LAMA1: variants seen among roughly 807,000 people sequenced by gnomAD.
The protein encoded by LAMA1 is laminin subunit alpha 1.
LAMA1 carries 219 observed loss-of-function variants against 348.7 expected under a neutral mutation model. The observed-to-expected ratio is 0.63, with a 90% confidence interval of 0.56 to 0.70. The LOEUF is 0.70. LAMA1 is among the 30% of genes least tolerant of loss of function. The pLI is 0.00. For missense variants in LAMA1, 3,744 were observed against 3,888.0 expected (o/e 0.96, Z 0.99); for synonymous variants, 1,487 against 1,491.0 (o/e 1.00, Z 0.06).
rs79621141 is a variant in LAMA1, at chr18:6,964,014, CTT to C, written c.7337+646_7337+647del. The C allele has an allele frequency of 7.4e-3, 1,070 of 144,884 alleles. 15 individuals are homozygous for C. Among genetic ancestry groups the C allele is most frequent in the African/African-American group, 0.026 (1,031 of 39,598 alleles). The allele number at this position is 144,884 out of a possible 1,614,324, so 9.0% of individuals were successfully genotyped here. On this transcript the variant is annotated intron_variant, in intron 51 of 62. Transcript: ENST00000389658. ...GAAAAGTCTGCAGAAAGCATGATTTCTTTTTTTTTTTTTCCTTTTGCCTTAAA... is the reference window on the plus strand; with the variant it reads ...GAAAAGTCTGCAGAAAGCATGATTTCTTTTTTTTTTTCCTTTTGCCTTAAA...
In LAMA1 at chr18:6,983,428, C is replaced by T. The variant is rs115066818; in HGVS notation, c.5661-194G>A. ...AAAGTAATCTTTGAGAAGCCGTAGCCACTTTGTCATAACACTCAGAACTGC... is the reference window on the plus strand; with the variant it reads ...AAAGTAATCTTTGAGAAGCCGTAGCTACTTTGTCATAACACTCAGAACTGC... On this transcript the variant is annotated intron_variant, in intron 39 of 62. Coordinates refer to ENST00000389658, the MANE Select transcript of LAMA1 (RefSeq NM_005559.4). 6.6e-3 allele frequency among the ~76,000 whole-genome samples: 1,005 copies of T among 152,254 alleles called. 11 individuals carry two copies. Among genetic ancestry groups the T allele is most frequent in the African/African-American group, 0.024 (981 of 41,540 alleles).
intron 57 of LAMA1, 43 bp from the exon 58 acceptor site, chr18:6,951,014 C>T (rs1286011417): frequency 6.4e-7 from 1 of 1,572,322 alleles, no homozygotes; most frequent in Admixed American, 1.8e-5. Flanking sequence ...GAAACTTTTA[C>T]TTTTCATTTT....
At chr18:6,979,862 G>T (rs571718984) in intron 42 of LAMA1, among the ~76,000 whole-genome samples, 1 of 152,192 alleles carries the variant, frequency 6.6e-6, no homozygotes, top group African/African-American at 2.4e-5. Context: ...TCGCGCCACT[G>T]CACTCCAGCC....
chr18:7,014,088 G>C (rs770823990), intron 22 of LAMA1, 37 bp from the exon 23 acceptor site: 38 of 1,483,598 alleles, frequency 2.6e-5, no homozygotes, highest in Non-Finnish European at 3.4e-5. Context: ...TAAAAAGGCA[G>C]ATTTGATGCT....
intron 1 of LAMA1, among the ~76,000 whole-genome samples, chr18:7,116,058 T>C (rs894180009): frequency 6.6e-6 from 1 of 151,840 alleles, no homozygotes; most frequent in Non-Finnish European, 1.5e-5. Context: ...AAACAGGGAA[T>C]GCGATATGAA....
chr18:6,975,712 T>C (rs2057678674), intron 45 of LAMA1, among the ~76,000 whole-genome samples: 1 of 152,188 alleles, frequency 6.6e-6, no homozygotes. Flanking sequence ...GGCTTACAAT[T>C]AAGATGGCAT....
Position 7,023,499 on chromosome 18 carries a change from A to C in LAMA1, c.2490-124T>G, listed in dbSNP as rs1215224958. On this transcript the variant is annotated intron_variant, in intron 18 of 62. Transcript: ENST00000389658. ...CTCTGTTCCCTGAGATTTACTGTGA[A>C]AGGGATATGACTCCCCACTCGGGCA... 3.6e-6 allele frequency: 3 copies of C among 823,210 alleles called. No homozygotes were observed. The East Asian group carries it at 7.7e-5, about 21-fold the overall frequency. 51.0% of individuals were successfully genotyped at this position (823,210 alleles called of 1,614,324 possible). A position where few individuals can be genotyped will look rare whatever the true frequency, so the allele number is the denominator to read the frequency against.
chr18:7,069,183 G>A (rs571297126), intron 3 of LAMA1, among the ~76,000 whole-genome samples: 10 of 152,276 alleles, frequency 6.6e-5, no homozygotes, highest in African/African-American at 1.9e-4. Context: ...AATCCCCACC[G>A]ATAATATGTA....
At chr18:6,955,554 G>T in intron 56 of LAMA1, 89 bp from the exon 57 acceptor site, 2 of 868,314 alleles carry the variant, frequency 2.3e-6, no homozygotes, top group Non-Finnish European at 1.9e-6. Flanking sequence ...GGCCATCTAC[G>T]AAGCAATCCC....
At chr18:6,972,677 A>G (rs2057663409) in intron 47 of LAMA1, among the ~76,000 whole-genome samples, 1 of 152,190 alleles carries the variant, frequency 6.6e-6, no homozygotes, top group Admixed American at 6.5e-5. Flanking sequence ...TCAACCATCT[A>G]AACATATGCT....
intron 43 of LAMA1, 124 bp from the exon 44 acceptor site, chr18:6,978,005 G>T: frequency 7.8e-7 from 1 of 1,288,164 alleles, no homozygotes; most frequent in South Asian, 1.2e-5. Context: ...CCATGACATT[G>T]TGGTACAAAG....
At chr18:6,955,302 C>T (rs979302386) in intron 57 of LAMA1, 51 bp downstream of exon 57, 2 of 1,360,228 alleles carry the variant, frequency 1.5e-6, no homozygotes, top group African/African-American at 1.4e-5. Flanking sequence ...CAGAACACCC[C>T]CATACATCTA....
chr18:6,961,862 C>T (rs887762442), intron 52 of LAMA1, 83 bp downstream of exon 52: 89 of 1,565,270 alleles, frequency 5.7e-5, no homozygotes, highest in Non-Finnish European at 7.7e-5. Context: ...TTTCTATCCC[C>T]ACTGGTTTGT....
intron 18 of LAMA1, among the ~76,000 whole-genome samples, chr18:7,023,734 G>A (rs658209): frequency 6.6e-6 from 1 of 151,704 alleles, no homozygotes; most frequent in Non-Finnish European, 1.5e-5. Flanking sequence ...GCCAGAAGAC[G>A]GCTACTAAAG....
At position 6,993,970 on chromosome 18, in the gene LAMA1, G is replaced by A. The variant is rs143149052; in HGVS notation, c.4897-218C>T. Among the ~76,000 whole-genome samples, 1,214 of 152,256 alleles carry A rather than the reference G, an allele frequency of 8.0e-3. 21 individuals carry two copies. The highest frequency in any genetic ancestry group is 0.027 in the African/African-American group (1,105 of 41,546). On this transcript the variant is annotated intron_variant, in intron 34 of 62. Coordinates refer to ENST00000389658, the MANE Select transcript of LAMA1 (RefSeq NM_005559.4). The stretch of plus-strand genomic sequence containing the variant: ...AATGAAATAATTTACAACTCACTCA[G>A]CATAAGAAAAGATGGGTATGTTTTT...
intron 60 of LAMA1, 54 bp downstream of exon 60, chr18:6,948,349 T>G: frequency 6.2e-7 from 1 of 1,611,488 alleles, no homozygotes. Context: ...TCCACATCGC[T>G]TTAGAGTACA....
chr18:7,054,026 C>A (rs569001985), intron 3 of LAMA1, among the ~76,000 whole-genome samples: 33 of 152,260 alleles, frequency 2.2e-4, no homozygotes, highest in Admixed American at 2.0e-3. Context: ...CCACCTTGAC[C>A]TCCCAAAGTG....
chr18:6,961,883 T>C, intron 52 of LAMA1, 62 bp downstream of exon 52: 1 of 1,561,250 alleles, frequency 6.4e-7, no homozygotes, highest in Non-Finnish European at 8.8e-7. Context: ...TGTGTTATGA[T>C]GTTGATAAAT....
At chr18:7,012,192 C>T (rs2057863881) in intron 23 of LAMA1, 54 bp from the exon 24 acceptor site, 1 of 1,574,814 alleles carries the variant, frequency 6.3e-7, no homozygotes, top group Non-Finnish European at 8.7e-7. Context: ...GATGTGATTT[C>T]TGAACAAACA....
Sources: gnomAD v4.1 joint callset for allele counts (sites outside exome capture counted in the v4.1 genomes callset) on GRCh38, gnomAD v4.1.1 for gene constraint, MANE v1.5 for transcripts, NCBI Gene and HGNC (gene_info 2026-07-23, HGNC 2026-07-21) for gene names.